Variants in MTMR11 observed in about 807,000 individuals in gnomAD.
MTMR11 encodes the protein myotubularin-related protein 11.
MTMR11 carries 89 observed loss-of-function variants against 100.0 expected under a neutral mutation model. The observed-to-expected ratio is 0.89, with a 90% CI of 0.75 to 1.06. The LOEUF is 1.06. Ranked by LOEUF, MTMR11 falls within the 50% of genes least tolerant of loss-of-function variation. The pLI, the probability that MTMR11 is intolerant of heterozygous loss-of-function variation, is 0.00. For missense variants in MTMR11, 809 were observed against 873.7 expected, an observed-to-expected ratio of 0.93 and a Z score of 0.93; for synonymous variants, 336 against 326.3, an observed-to-expected ratio of 1.03 and a Z score of -0.32.
chr1:149,931,867 C>G, intron 12 of MTMR11, 77 bp downstream of exon 12: 1 of 1,311,836 alleles, frequency 7.6e-7, no homozygotes. Context: ...TTATGGGTCT[C>G]CCTCCCTGAA....
In MTMR11 at chr1:149,930,775, A is replaced by C; in HGVS notation, c.1464+17T>G. On this transcript the variant is annotated intron_variant, in intron 14 of 16. Coordinates refer to ENST00000439741, the MANE Select transcript of MTMR11 (RefSeq NM_001145862.2). ...CAATGGAAAAAAAAACACGAGTCAA[A>C]AATAGAAGTCACTGACCTGTCCGCT... The C allele has an allele frequency of 7.8e-6, 12 of 1,534,522 alleles. No individual in the cohort carries two copies. The highest frequency in any genetic ancestry group is 1.0e-5 in the Non-Finnish European group (12 of 1,145,118).
rs781099087 is a variant in MTMR11 at position 149,929,796 on chromosome 1, G to C, written c.1768C>G (p.Arg590Gly). 2 of 1,614,200 alleles carry C rather than the reference G, an allele frequency of 1.2e-6. No individual in the cohort carries two copies. The highest frequency in any genetic ancestry group is 1.7e-5 in the Admixed American group (1 of 60,034). The change falls in exon 16 of 17, where the codon CGT becomes GGT. Residue 590 changes from arginine (R) to glycine (G), a missense_variant. Physicochemically the swap from Arg to Gly is moderately radical, Grantham distance 125 (BLOSUM62 -2). Coordinates refer to ENST00000439741, the MANE Select transcript of MTMR11 (RefSeq NM_001145862.2). The stretch of plus-strand genomic sequence containing the variant: ...GAGATAGCAGGTCGAGGGAGCCAAC[G>C]AGAAGAGACTGCCAGCAGGGAAGGA... The part of the protein sequence containing the change: ...DSPSLLAVSS[R>G]WLPRPAISSE...
intron 12 of MTMR11, 52 bp downstream of exon 12, chr1:149,931,892 G>A (rs894137371): frequency 1.3e-6 from 2 of 1,506,538 alleles, no homozygotes; most frequent in African/African-American, 1.4e-5. Flanking sequence ...ATCTGGTCAG[G>A]TGGGTAAAGA....
At chr1:149,930,997 A>T (rs781859383) in intron 13 of MTMR11, 32 bp from the exon 14 acceptor site, 3 of 1,559,436 alleles carry the variant, frequency 1.9e-6, no homozygotes, top group Non-Finnish European at 2.6e-6. Context: ...GGAAGGGATT[A>T]TTGGGACCCA....
chr1:149,932,905 C>G (rs1437498586), intron 10 of MTMR11, among the ~76,000 whole-genome samples: 1 of 150,804 alleles, frequency 6.6e-6, no homozygotes, highest in Non-Finnish European at 1.5e-5. Context: ...GAGCCGAGAT[C>G]ACGCCACTGC....
intron 2 of MTMR11, 125 bp downstream of exon 2, chr1:149,936,029 C>T (rs1030084444): frequency 8.5e-6 from 9 of 1,053,038 alleles, no homozygotes; most frequent in Non-Finnish European, 1.3e-5. Flanking sequence ...GGGAGGACAG[C>T]GAGCCTCAGG....
chr1:149,933,216 A>G (rs985157366), intron 10 of MTMR11, among the ~76,000 whole-genome samples, 190 bp downstream of exon 10: 1 of 151,962 alleles, frequency 6.6e-6, no homozygotes. Context: ...TCGGCCTCCC[A>G]TAGTGGTGGG....
intron 4 of MTMR11, 36 bp downstream of exon 4, chr1:149,935,263 C>A: frequency 6.2e-7 from 1 of 1,609,288 alleles, no homozygotes; most frequent in Non-Finnish European, 8.5e-7. Context: ...CCAACAACCC[C>A]AGTGAACCCC....
intron 15 of MTMR11, 60 bp downstream of exon 15, chr1:149,930,305 T>G: frequency 2.0e-6 from 3 of 1,481,534 alleles, no homozygotes; most frequent in Non-Finnish European, 2.8e-6. Context: ...CACTTCTCAC[T>G]GTCTAGTAGC....
In MTMR11 at chr1:149,931,932, C is replaced by G; in HGVS notation, c.1123+12G>C. 1 of 1,606,792 alleles carries G rather than the reference C, an allele frequency of 6.2e-7. No individual in the cohort carries two copies. The highest frequency in any genetic ancestry group is 8.5e-7 in the Non-Finnish European group (1 of 1,173,424). ...AGGCAAGGAATGGAATGGGCTTAAC[C>G]AAGGAACTCACCTTGAAGTATTACA... On this transcript the variant is annotated intron_variant, in intron 12 of 16. Coordinates refer to ENST00000439741, the MANE Select transcript of MTMR11 (RefSeq NM_001145862.2).
chr1:149,930,756 AAAAAAAAACACG>A, intron 14 of MTMR11, 24 bp downstream of exon 14: 1 of 1,502,978 alleles, frequency 6.7e-7, no homozygotes, highest in Non-Finnish European at 8.9e-7. Context: ...ATCTCAATGG[AAAAAAAAACACG>A]AGTCAAAAAT....
Position 149,930,843 on chromosome 1 carries a change from G to C in MTMR11, c.1413C>G (p.Thr471=), listed in dbSNP as rs1046447370. Residue 471 remains threonine (T), a synonymous_variant, in exon 14 of 17, where the codon ACC becomes ACG. Transcript: ENST00000439741. ...AGGGGGTATTTCTCAGGAAGGTAAGGGTGTCAGGAACCCTGACACTGTCAT... is the reference window on the plus strand; with the variant it reads ...AGGGGGTATTTCTCAGGAAGGTAAGCGTGTCAGGAACCCTGACACTGTCAT... ...ALHDSVRVPD[T]LTFLRNTPWE... The C allele has an allele frequency of 6.2e-7, 1 of 1,608,118 alleles. No homozygotes were observed. The highest frequency in any genetic ancestry group is 8.5e-7 in the Non-Finnish European group (1 of 1,177,740).
chr1:149,929,129 C>G lies in MTMR11; in HGVS notation c.2130G>C (p.Ter710TyrextTer26), dbSNP rs2092620229. The stretch of plus-strand genomic sequence containing the variant: ...AAAAAAGATTAGACAGAACCCTCCT[C>G]TACCCCAGATCCCCCTCTGCCCTGC... ...LKGRAEGDLG[*>Y] The change falls in exon 17 of 17, where the codon TAG becomes TAC. Residue 710 changes from the stop codon to tyrosine (Y), a stop_lost. Transcript: ENST00000439741. The G allele has an allele frequency of 6.2e-7, 1 of 1,609,160 alleles. No homozygotes were observed. Among genetic ancestry groups the G allele is most frequent in the African/African-American group, 1.3e-5 (1 of 74,616 alleles).
chr1:149,929,317 T>C lies in MTMR11; in HGVS notation c.1942A>G (p.Met648Val), dbSNP rs148807511. 9 of 1,613,146 alleles carry C rather than the reference T, an allele frequency of 5.6e-6. No homozygotes were observed. In the African/African-American group the frequency reaches 1.2e-4, roughly 22 times the overall value. ...GAGATTGTGGGAGCTGAGAGGCCCA[T>C]CTGGGGAGGAGGCAAAGAGGAACAG... ...CYLRGRPEVQ[M>V]GLSAPTISGL... The change falls in exon 17 of 17, where the codon ATG (methionine) becomes GTG (valine). Residue 648 changes from methionine (M) to valine (V), a missense_variant and splice_region_variant. Transcript: ENST00000439741.
In MTMR11 at chr1:149,929,019, C is replaced by G; in HGVS notation, c.*110G>C. 6.2e-7 allele frequency: 1 copy of G among 1,601,438 alleles called. No individual in the cohort carries two copies. Among genetic ancestry groups the G allele is most frequent in the Non-Finnish European group, 8.5e-7 (1 of 1,172,804 alleles). On this transcript the variant is annotated 3_prime_UTR_variant, in exon 17 of 17. Transcript: ENST00000439741. The stretch of plus-strand genomic sequence containing the variant: ...GAGTTGGAGCAGTTAACACCACTAT[C>G]TGCAGCAGAAACTCAGACCTTCTTA...
chr1:149,930,335 A>T, intron 15 of MTMR11, 30 bp downstream of exon 15: 1 of 1,591,984 alleles, frequency 6.3e-7, no homozygotes, highest in Non-Finnish European at 8.6e-7. Context: ...TGGGAACGTC[A>T]AGGGAATTTA....
In MTMR11 at chr1:149,930,600, AG is replaced by A. The variant is rs1460430143; in HGVS notation, c.1465-54del. 2.0e-6 allele frequency: 3 copies of A among 1,496,156 alleles called. No homozygotes were observed. In the East Asian group the frequency reaches 6.8e-5, roughly 34 times the overall value. The allele number at this position is 1,496,156 out of a possible 1,614,324, so 92.7% of individuals were successfully genotyped here. A position where few individuals can be genotyped will look rare whatever the true frequency, so the allele number is the denominator to read the frequency against. ...GGTTACACACAATCCTCCCACATCTAGAGACAAATCATGAGATTCTCACCTC... is the reference window on the plus strand; with the variant it reads ...GGTTACACACAATCCTCCCACATCTAAGACAAATCATGAGATTCTCACCTC... On this transcript the variant is annotated intron_variant, in intron 14 of 16. Coordinates refer to ENST00000439741, the MANE Select transcript of MTMR11 (RefSeq NM_001145862.2).
intron 15 of MTMR11, 45 bp downstream of exon 15, chr1:149,930,320 G>A (rs781890335): frequency 6.4e-7 from 1 of 1,557,146 alleles, no homozygotes; most frequent in Non-Finnish European, 8.8e-7. Context: ...AGTAGCATGA[G>A]CCTGTGGGAA....
chr1:149,932,045 G>A (rs1263933804), intron 11 of MTMR11, 31 bp from the exon 12 acceptor site: 5 of 1,583,672 alleles, frequency 3.2e-6, no homozygotes, highest in Non-Finnish European at 4.3e-6. Context: ...GAGGGAGGAA[G>A]AATGATAAGC....
Sources: allele counts gnomAD v4.1 joint callset (sites outside exome capture counted in the v4.1 genomes callset), GRCh38; gene constraint gnomAD v4.1.1; transcripts MANE v1.5; gene names NCBI Gene and HGNC (gene_info 2026-07-23, HGNC 2026-07-21).